Variants in ERBB4 observed in about 807,000 individuals in gnomAD.
ERBB4 encodes the protein receptor tyrosine-protein kinase erbB-4.
A neutral mutation model predicts 158.0 loss-of-function variants in ERBB4; 42 were observed. That is an observed-to-expected ratio of 0.27 (90% CI 0.21 to 0.34). The LOEUF (loss-of-function observed/expected upper bound fraction) is 0.34, where lower values mean the gene tolerates loss of function less well. Among genes scored for constraint, ERBB4 ranks in the 10% least tolerant of loss-of-function variants. The pLI, the probability that ERBB4 is intolerant of heterozygous loss-of-function variation, is 1.00. For missense variants in ERBB4, 1,333 were observed against 1,624.1 expected, an observed-to-expected ratio of 0.82 and a Z score of 3.08; for synonymous variants, 583 against 558.7, an observed-to-expected ratio of 1.04 and a Z score of -0.61.
At chr2:211,509,170 C>T (rs2065828085) in intron 20 of ERBB4, among the ~76,000 whole-genome samples, 1 of 151,708 alleles carries the variant, frequency 6.6e-6, no homozygotes, top group African/African-American at 2.4e-5. Flanking sequence ...GAGTATCACG[C>T]ACCAGAGCCT....
At chr2:212,180,606 G>A (rs575437152) in intron 1 of ERBB4, among the ~76,000 whole-genome samples, 2 of 151,682 alleles carry the variant, frequency 1.3e-5, no homozygotes, top group Admixed American at 6.6e-5. Flanking sequence ...ATGCTGAATC[G>A]GGTATTTGCA....
intron 19 of ERBB4, among the ~76,000 whole-genome samples, chr2:211,608,265 A>C (rs1476133417): frequency 6.6e-6 from 1 of 152,200 alleles, no homozygotes; most frequent in African/African-American, 2.4e-5. Flanking sequence ...GAAGGAAATC[A>C]GAAGAAAAAC....
intron 12 of ERBB4, among the ~76,000 whole-genome samples, chr2:211,688,532 G>T (rs546921552): frequency 2.6e-5 from 4 of 152,200 alleles, no homozygotes; most frequent in African/African-American, 9.6e-5. Context: ...GCAAACTATT[G>T]TTTCATCTAT....
chr2:211,922,435 G>A (rs2125079965), intron 3 of ERBB4, among the ~76,000 whole-genome samples: 1 of 152,110 alleles, frequency 6.6e-6, no homozygotes, highest in South Asian at 2.1e-4. Flanking sequence ...TTACATTATA[G>A]TTTATCAACT....
intron 2 of ERBB4, among the ~76,000 whole-genome samples, chr2:212,013,042 G>A (rs988496860): frequency 1.3e-5 from 2 of 150,056 alleles, no homozygotes; most frequent in Non-Finnish European, 3.0e-5. Flanking sequence ...ACCATGCCCA[G>A]CCAAGAAATA....
At chr2:211,868,443 G>T (rs894728219) in intron 3 of ERBB4, among the ~76,000 whole-genome samples, 1 of 152,132 alleles carries the variant, frequency 6.6e-6, no homozygotes, top group African/African-American at 2.4e-5. Context: ...CTTCCTATAT[G>T]TCTGATACCC....
At chr2:211,699,528 G>A (rs367758544) in intron 12 of ERBB4, among the ~76,000 whole-genome samples, 3 of 152,106 alleles carry the variant, frequency 2.0e-5, no homozygotes, top group Non-Finnish European at 4.4e-5. Flanking sequence ...CCGGTGTGCT[G>A]TGAGACTGAA....
chr2:212,504,169 T>C (rs1691053635), intron 1 of ERBB4, among the ~76,000 whole-genome samples: 1 of 152,204 alleles, frequency 6.6e-6, no homozygotes. Context: ...TATTAAACTT[T>C]AGTATAATGC....
intron 2 of ERBB4, among the ~76,000 whole-genome samples, chr2:212,017,102 T>C (rs1489080719): frequency 6.6e-6 from 1 of 152,160 alleles, no homozygotes; most frequent in African/African-American, 2.4e-5. Flanking sequence ...AACAACAGTC[T>C]TTCAATATGA....
rs1399105767 is a variant in ERBB4, at chr2:211,383,272, A to C, written c.*343T>G. 1 of 301,046 alleles carries C rather than the reference A, an allele frequency of 3.3e-6. No individual in the cohort carries two copies. Among genetic ancestry groups the C allele is most frequent in the African/African-American group, 2.2e-5 (1 of 46,412 alleles). 18.6% of individuals were successfully genotyped at this position (301,046 alleles called of 1,614,324 possible). A position where few individuals can be genotyped will look rare whatever the true frequency, so the allele number is the denominator to read the frequency against. The stretch of plus-strand genomic sequence containing the variant: ...AAAAAAAAAAAAAAGAAGAGGAAGA[A>C]AGAAACAAAGAAAGAAAAAGAAAAA... On this transcript the variant is annotated 3_prime_UTR_variant, in exon 28 of 28. Coordinates refer to ENST00000342788, the MANE Select transcript of ERBB4 (RefSeq NM_005235.3).
At chr2:211,760,778 C>G (rs950989928) in intron 4 of ERBB4, among the ~76,000 whole-genome samples, 2 of 152,216 alleles carry the variant, frequency 1.3e-5, no homozygotes, top group African/African-American at 4.8e-5. Flanking sequence ...CATCATCAAC[C>G]TCACCACATC....
At chr2:212,455,470 C>T (rs1294849813) in intron 1 of ERBB4, among the ~76,000 whole-genome samples, 6 of 152,104 alleles carry the variant, frequency 3.9e-5, no homozygotes, top group South Asian at 4.1e-4. Context: ...TAGCCACTAG[C>T]CACATGGCTG....
chr2:211,898,577 G>C (rs1238966647), intron 3 of ERBB4, among the ~76,000 whole-genome samples: 1 of 152,140 alleles, frequency 6.6e-6, no homozygotes, highest in Non-Finnish European at 1.5e-5. Context: ...TGAAATGACT[G>C]TAGAAATTTG....
rs532203750 is a variant in ERBB4, at chr2:211,552,741, T to A, written c.2487+9162A>T. On this transcript the variant is annotated intron_variant, in intron 20 of 27. Transcript: ENST00000342788. The stretch of plus-strand genomic sequence containing the variant: ...TTACAAATACAGCACCAGTGATATA[T>A]GTATCATAAAAAAGCTACAAAAGAT... 2.6e-5 allele frequency among the ~76,000 whole-genome samples: 4 copies of A among 152,280 alleles called. No homozygotes were observed. The South Asian group carries it at 8.3e-4, about 32-fold the overall frequency.
chr2:212,318,741 A>T (rs2087415439), intron 1 of ERBB4, among the ~76,000 whole-genome samples: 1 of 151,608 alleles, frequency 6.6e-6, no homozygotes, highest in Non-Finnish European at 1.5e-5. Context: ...AATCTACTGA[A>T]CAGAATTATG....
At chr2:211,719,779 C>T (rs1252939967) in intron 7 of ERBB4, among the ~76,000 whole-genome samples, 5 of 150,496 alleles carry the variant, frequency 3.3e-5, no homozygotes, top group Admixed American at 6.6e-5. Flanking sequence ...CGCTTGAACC[C>T]GGGATGCAGA....
chr2:211,603,211 A>T (rs1224712156), intron 19 of ERBB4, among the ~76,000 whole-genome samples: 1 of 152,012 alleles, frequency 6.6e-6, no homozygotes, highest in African/African-American at 2.4e-5. Context: ...AGCCCGGGCG[A>T]CAGAGCAAGA....
intron 5 of ERBB4, among the ~76,000 whole-genome samples, chr2:211,733,441 C>CAGCGAGCTGAGATCATGCCACT (rs1559468928): frequency 9.2e-5 from 14 of 151,828 alleles, no homozygotes; most frequent in African/African-American, 3.4e-4. Flanking sequence ...TATGAATCTG[C>CAGCGAGCTGAGATCATGCCACT]GTAAGAATAC....
At chr2:211,872,149 GA>G (rs971585772) in intron 3 of ERBB4, among the ~76,000 whole-genome samples, 35 of 152,238 alleles carry the variant, frequency 2.3e-4, no homozygotes, top group African/African-American at 7.0e-4. Context: ...TTGCTCAAAT[GA>G]AAAAATACAT....
Sources: gnomAD v4.1 joint callset for allele counts (sites outside exome capture counted in the v4.1 genomes callset) on GRCh38, gnomAD v4.1.1 for gene constraint, MANE v1.5 for transcripts, NCBI Gene and HGNC (gene_info 2026-07-23, HGNC 2026-07-21) for gene names.